Variants in OGFOD2 observed in about 807,000 individuals in gnomAD.
The protein encoded by OGFOD2 is 2-oxoglutarate and iron-dependent oxygenase domain-containing protein 2.
OGFOD2 carries 34 observed loss-of-function variants against 31.1 expected under a neutral mutation model. The ratio of observed to expected loss-of-function variants is 1.09; its 90% CI spans 0.83 to 1.45. The LOEUF is 1.45. Ranked by LOEUF, OGFOD2 falls within the 40% of genes most tolerant of loss-of-function variation. The probability of loss-of-function intolerance (pLI) is 0.00; values close to 1 mark genes in which losing one functional copy is unlikely to be tolerated. For missense variants in OGFOD2, 537 were observed against 433.9 expected, an observed-to-expected ratio of 1.24 and a Z score of -2.11; for synonymous variants, 240 against 192.3, an observed-to-expected ratio of 1.25 and a Z score of -2.05.
chr12:122,975,181 C>G, upstream of OGFOD2: 1 of 496,472 alleles, frequency 2.0e-6, no homozygotes, highest in Non-Finnish European at 3.7e-6. Flanking sequence ...CCGCTGGTTC[C>G]GCGCCTCCCG....
At chr12:122,979,429 GCCT>G in exon 7 of OGFOD2, 13 of 1,465,072 alleles carry the variant, frequency 8.9e-6, no homozygotes, top group South Asian at 5.2e-5. Flanking sequence ...AATCCCCGCA[GCCT>G]ACTGCACTTC....
chr12:122,978,888 AAATACGCACCGGG>A lies in OGFOD2; in HGVS notation c.668_680del (p.Lys223ThrfsTer42), dbSNP rs1298678924. The A allele has an allele frequency of 6.2e-7, 1 of 1,612,650 alleles. No homozygotes were observed. Among genetic ancestry groups the A allele is most frequent in the Admixed American group, 1.7e-5 (1 of 59,982 alleles). On this transcript the variant is annotated frameshift_variant, in exon 6 of 7. Coordinates refer to ENST00000228922, the Ensembl canonical transcript of OGFOD2. LOFTEE classifies it high-confidence loss of function. ...CGACAGCCACCGGGCCTTTGTGGTC[AAATACGCACCGGG>A]CCAGGACCTGGAGCTGGGCTGCCAC... is the stretch of plus-strand genomic sequence containing the variant.
upstream of OGFOD2, chr12:122,975,192 C>T: frequency 1.9e-6 from 1 of 527,306 alleles, no homozygotes; most frequent in Non-Finnish European, 3.5e-6. Flanking sequence ...GCGCCTCCCG[C>T]GGTTGGGGGC....
rs760283598 is a variant in OGFOD2 at position 122,976,851 on chromosome 12, C to A, written c.304-20C>A. On this transcript the variant is annotated intron_variant, in intron 3 of 6. Coordinates refer to ENST00000228922, the Ensembl canonical transcript of OGFOD2. Reference sequence around the variant, plus strand: ...GCTGGGGGTGCTGCCTGCCCCACAGCTGGTGTGTTTTGCTCCCAGGATGCA... The same window carrying A: ...GCTGGGGGTGCTGCCTGCCCCACAGATGGTGTGTTTTGCTCCCAGGATGCA... The A allele has an allele frequency of 1.3e-6, 2 of 1,597,470 alleles. No homozygotes were observed. Among genetic ancestry groups the A allele is most frequent in the Non-Finnish European group, 1.7e-6 (2 of 1,168,330 alleles).
chr12:122,977,644 G>T (rs1048732662), intron 4 of OGFOD2: 1 of 158,540 alleles, frequency 6.3e-6, no homozygotes, highest in Admixed American at 6.0e-5. Flanking sequence ...CACAGGGCCC[G>T]CACGTAGTGT....
At chr12:122,979,043 G>A (rs775687728) in intron 6 of OGFOD2, 33 bp downstream of exon 6, 1 of 1,605,400 alleles carries the variant, frequency 6.2e-7, no homozygotes, top group Non-Finnish European at 8.5e-7. Context: ...AGGGCCTGGG[G>A]CAGCTGTGAG....
intron 5 of OGFOD2, 23 bp from the exon 6 acceptor site, chr12:122,978,730 T>C: frequency 1.3e-6 from 2 of 1,599,580 alleles, no homozygotes; most frequent in Non-Finnish European, 8.5e-7. Context: ...GTTTCCTTGC[T>C]GACCCCAGGA....
At chr12:122,974,912 G>A (rs905959622), upstream of OGFOD2, 9 of 204,252 alleles carry the variant, frequency 4.4e-5, no homozygotes, top group Non-Finnish European at 6.9e-5. Context: ...GGCAGACGGC[G>A]GGGGGTGGGT....
chr12:122,977,524 G>C (rs1383929655), intron 4 of OGFOD2: 1 of 201,100 alleles, frequency 5.0e-6, no homozygotes, highest in African/African-American at 2.4e-5. Context: ...AGGTTTGCGT[G>C]TTGTTTAACC....
At chr12:122,975,600 T>G in intron 1 of OGFOD2, 2 of 600,206 alleles carry the variant, frequency 3.3e-6, no homozygotes, top group Non-Finnish European at 6.0e-6. Context: ...TGTAGGGTGC[T>G]TAGGACAGGG....
Position 122,979,224 on chromosome 12 carries a change from G to GCTCGGAGAGC in OGFOD2, c.933_934insCGGAGAGCCT (p.Val312ArgfsTer15). ...CCTTGTCGTCTGGCTCCGAGCCTCTGCTGTGCGCAACAGCCTCTGTCCCAT... is the reference window on the plus strand; with the variant it reads ...CCTTGTCGTCTGGCTCCGAGCCTCTGCTCGGAGAGCCTGTGCGCAACAGCCTCTGTCCCAT... On this transcript the variant is annotated frameshift_variant, in exon 7 of 7. Transcript: ENST00000228922. LOFTEE classifies it high-confidence loss of function. The GCTCGGAGAGC allele has an allele frequency of 6.2e-7, 1 of 1,612,648 alleles. No homozygotes were observed. Among genetic ancestry groups the GCTCGGAGAGC allele is most frequent in the South Asian group, 1.1e-5 (1 of 91,086 alleles).
chr12:122,978,746 C>A lies in OGFOD2; in HGVS notation c.532-7C>A. On this transcript the variant is annotated splice_region_variant and splice_polypyrimidine_tract_variant and intron_variant, in intron 5 of 6. Coordinates refer to ENST00000228922, the Ensembl canonical transcript of OGFOD2. ...TTTCCTTGCTGACCCCAGGAATCCC[C>A]TCCCAGGTGCTGCTGCACGAGCTCG... The A allele has an allele frequency of 6.2e-7, 1 of 1,606,042 alleles. No homozygotes were observed. Among genetic ancestry groups the A allele is most frequent in the South Asian group, 1.1e-5 (1 of 90,722 alleles).
intron 2 of OGFOD2, chr12:122,976,443 G>A (rs747908624): frequency 1.2e-6 from 2 of 1,607,326 alleles, no homozygotes; most frequent in East Asian, 2.2e-5. Flanking sequence ...TCAGGTTGGG[G>A]CAGCCTGAAA....
chr12:122,979,715 A>G lies in OGFOD2; in HGVS notation c.*369A>G, dbSNP rs181026664. 14 of 253,712 alleles carry G rather than the reference A, an allele frequency of 5.5e-5. No homozygotes were observed. In the Admixed American group the frequency reaches 6.8e-4, roughly 12 times the overall value. 15.7% of individuals were successfully genotyped at this position (253,712 alleles called of 1,614,324 possible). A position where few individuals can be genotyped will look rare whatever the true frequency, so the allele number is the denominator to read the frequency against. On this transcript the variant is annotated 3_prime_UTR_variant, in exon 7 of 7. Transcript: ENST00000228922. ...ATGAGGGGGCCAGAGAGGAGTGAAT[A>G]ACTTCCCAGACACTTATCTCCAGGG...
At chr12:122,975,326 C>T (rs1468763454) in exon 1 of OGFOD2, 1 of 702,296 alleles carries the variant, frequency 1.4e-6, no homozygotes, top group African/African-American at 1.7e-5. Context: ...ACGTGGCGCG[C>T]TATGGGCTGC....
chr12:122,979,115 G>A, exon 7 of OGFOD2: 6 of 1,601,954 alleles, frequency 3.7e-6, no homozygotes, highest in Non-Finnish European at 5.1e-6. Context: ...CCCTGGAGGT[G>A]GAGCACGTGG....
Position 122,976,952 on chromosome 12 carries a change from C to T in OGFOD2, c.385C>T (p.Arg129Trp), listed in dbSNP as rs370735900. 9.7e-5 allele frequency: 156 copies of T among 1,613,606 alleles called. 1 individual carries two copies. The South Asian group carries it at 1.2e-3, about 12-fold the overall frequency. Reference sequence around the variant, plus strand: ...CGCAGACCTCAAGGGCCTTCTCCAGCGGCTGGAGACAGTATCGGGTGAGGT... The same window carrying T: ...CGCAGACCTCAAGGGCCTTCTCCAGTGGCTGGAGACAGTATCGGGTGAGGT... The change falls in exon 4 of 7, where the codon CGG becomes TGG. Residue 129 changes from arginine (R) to tryptophan (W), a missense_variant. By Grantham distance (101) the Arg-to-Trp change is moderately radical. Transcript: ENST00000228922.
chr12:122,975,485 G>T, intron 1 of OGFOD2, 102 bp downstream of exon 1: 1 of 592,716 alleles, frequency 1.7e-6, no homozygotes, highest in East Asian at 2.8e-5. Flanking sequence ...GCCGCGCACC[G>T]TATCTTCAAA....
intron 2 of OGFOD2, 149 bp from the exon 3 acceptor site, chr12:122,976,505 C>A: frequency 7.3e-7 from 1 of 1,377,208 alleles, no homozygotes; most frequent in Non-Finnish European, 1.0e-6. Context: ...CTGGAACTTG[C>A]AGTTGACCCA....
Sources: allele counts gnomAD v4.1 joint callset, GRCh38; gene constraint gnomAD v4.1.1; transcripts MANE v1.5; gene names NCBI Gene and HGNC (gene_info 2026-07-23, HGNC 2026-07-21).